Variants in KDM4C observed in about 807,000 individuals in gnomAD.
The protein encoded by KDM4C is lysine-specific demethylase 4C.
KDM4C carries 81 observed loss-of-function variants against 129.3 expected under a neutral mutation model. That is an observed-to-expected ratio of 0.63 (90% CI 0.52 to 0.75). The LOEUF (loss-of-function observed/expected upper bound fraction) is 0.75. Among genes scored for constraint, KDM4C ranks in the 30% least tolerant of loss-of-function variants. The pLI, the probability that KDM4C is intolerant of heterozygous loss-of-function variation, is 0.00. For missense variants in KDM4C, 1,457 were observed against 1,304.0 expected (o/e 1.12, Z -1.81); for synonymous variants, 573 against 456.1 (o/e 1.26, Z -3.26).
intron 15 of KDM4C, among the ~76,000 whole-genome samples, chr9:7,025,164 T>G (rs1484107644): frequency 6.6e-6 from 1 of 152,252 alleles, no homozygotes; most frequent in Non-Finnish European, 1.5e-5. Context: ...TTTTGACTGA[T>G]ACAAGTGTAG....
chr9:6,734,353 G>A (rs1480957090), intron 1 of KDM4C, among the ~76,000 whole-genome samples: 1 of 142,326 alleles, frequency 7.0e-6, no homozygotes, highest in Non-Finnish European at 1.5e-5. Flanking sequence ...GGAGTGCAAT[G>A]GCGTGGTCTC....
At chr9:6,746,645 C>G (rs1020103285) in intron 1 of KDM4C, among the ~76,000 whole-genome samples, 1 of 144,218 alleles carries the variant, frequency 6.9e-6, no homozygotes, top group Admixed American at 7.6e-5. Context: ...TTTGGGACAC[C>G]AAGGTGGGAG....
At chr9:6,869,808 C>T (rs1842588108) in intron 5 of KDM4C, among the ~76,000 whole-genome samples, 1 of 152,242 alleles carries the variant, frequency 6.6e-6, no homozygotes. Flanking sequence ...CCTGCAGCAT[C>T]CCCTATAGCC....
At position 6,743,860 on chromosome 9, in the gene KDM4C, G is replaced by T. The variant is rs1817785253; in HGVS notation, c.49+22863G>T. Among the ~76,000 whole-genome samples, 3 of 151,896 alleles carry T rather than the reference G, an allele frequency of 2.0e-5. No homozygotes were observed. The South Asian group carries it at 6.2e-4, about 32-fold the overall frequency. Reference sequence around the variant, plus strand: ...GCAGCTAGTCAAATTCACTTGACTTGTTGGGGTGGGGGACACCTGACAGCT... The same window carrying T: ...GCAGCTAGTCAAATTCACTTGACTTTTTGGGGTGGGGGACACCTGACAGCT... On this transcript the variant is annotated intron_variant, in intron 1 of 17. Coordinates refer to the KDM4C transcript ENST00000536108.
rs181066683 is a variant in KDM4C at position 7,034,499 on chromosome 9, G to C, written c.2260-12363G>C. ...GGCTTATTTCGCTTAATGTCCTCCAGTTCCTTCCATGTTGTTGCAAATGAC... is the reference window on the plus strand; with the variant it reads ...GGCTTATTTCGCTTAATGTCCTCCACTTCCTTCCATGTTGTTGCAAATGAC... On this transcript the variant is annotated intron_variant, in intron 15 of 21. Coordinates refer to ENST00000381309, the MANE Select transcript of KDM4C (RefSeq NM_015061.6). Among the ~76,000 whole-genome samples the C allele has an allele frequency of 1.1e-3, 166 of 152,272 alleles. 1 individual carries two copies. The highest frequency in any genetic ancestry group is 2.4e-3 in the Admixed American group (37 of 15,310).
intron 2 of KDM4C, among the ~76,000 whole-genome samples, chr9:6,797,284 G>A (rs1010343581): frequency 1.3e-5 from 2 of 152,128 alleles, no homozygotes; most frequent in South Asian, 4.1e-4. Flanking sequence ...ACTGTGCCTG[G>A]CCCGTTAATC....
rs372784425 is a variant in KDM4C at position 7,108,386 on chromosome 9, G to A, written c.2610+4516G>A. On this transcript the variant is annotated intron_variant, in intron 18 of 21. Transcript: ENST00000381309. ...CAAGTAGCTGGGACTACAGGTGTGC[G>A]CCCCCATGTCCTGCTAATTTTTGTA... Among the ~76,000 whole-genome samples the A allele has an allele frequency of 1.1e-4, 16 of 152,136 alleles. No homozygotes were observed. The East Asian group carries it at 1.7e-3, about 17-fold the overall frequency.
chr9:6,848,518 C>T (rs1378195362), intron 4 of KDM4C, among the ~76,000 whole-genome samples: 1 of 151,960 alleles, frequency 6.6e-6, no homozygotes. Flanking sequence ...AAATACGAAA[C>T]ATTAGGTGGG....
upstream of KDM4C, among the ~76,000 whole-genome samples, chr9:6,753,289 C>T (rs1245177224): frequency 6.6e-6 from 1 of 152,178 alleles, no homozygotes; most frequent in Non-Finnish European, 1.5e-5. Flanking sequence ...CAACTCAGGC[C>T]TAAGAGTAAG....
upstream of KDM4C, among the ~76,000 whole-genome samples, chr9:6,753,840 A>T (rs894109177): frequency 2.0e-5 from 3 of 152,090 alleles, no homozygotes; most frequent in African/African-American, 7.2e-5. Flanking sequence ...AGGTAAATAA[A>T]AACACTAAGT....
chr9:6,995,461 G>A (rs1417419700), intron 12 of KDM4C, among the ~76,000 whole-genome samples: 1 of 152,156 alleles, frequency 6.6e-6, no homozygotes, highest in East Asian at 1.9e-4. Context: ...TTGTTCAAGG[G>A]AAGCATGGTC....
intron 8 of KDM4C, among the ~76,000 whole-genome samples, chr9:6,920,914 A>G (rs1589115501): frequency 1.3e-5 from 2 of 152,172 alleles, no homozygotes; most frequent in African/African-American, 4.8e-5. Context: ...GTTTTGAGGT[A>G]TCAGTTTTCT....
intron 18 of KDM4C, among the ~76,000 whole-genome samples, chr9:7,117,300 G>T (rs550195268): frequency 2.8e-4 from 42 of 151,896 alleles, no homozygotes; most frequent in African/African-American, 9.9e-4. Context: ...TTTTGCTTTG[G>T]GTTACCTTGT....
intron 8 of KDM4C, among the ~76,000 whole-genome samples, chr9:6,926,255 G>A (rs980866092): frequency 2.7e-5 from 4 of 146,928 alleles, no homozygotes; most frequent in Non-Finnish European, 6.0e-5. Context: ...TGTGAAGGAG[G>A]AAAAATAATG....
At chr9:7,054,373 T>C (rs1338278771) in intron 17 of KDM4C, among the ~76,000 whole-genome samples, 8 of 152,200 alleles carry the variant, frequency 5.3e-5, no homozygotes, top group African/African-American at 1.7e-4. Flanking sequence ...TAGTCATAAG[T>C]GAATCTCTGG....
At chr9:7,100,863 T>C (rs1219280320) in intron 17 of KDM4C, among the ~76,000 whole-genome samples, 1 of 152,176 alleles carries the variant, frequency 6.6e-6, no homozygotes, top group African/African-American at 2.4e-5. Flanking sequence ...TTTGGTATCC[T>C]TTGCCTAAAG....
intron 8 of KDM4C, among the ~76,000 whole-genome samples, chr9:6,950,562 C>T (rs1238017848): frequency 6.6e-6 from 1 of 152,086 alleles, no homozygotes; most frequent in African/African-American, 2.4e-5. Flanking sequence ...GCCTCATTGT[C>T]CCTTAGCAAT....
intron 11 of KDM4C, among the ~76,000 whole-genome samples, chr9:6,989,658 G>C (rs1034842925): frequency 2.0e-5 from 3 of 151,246 alleles, no homozygotes; most frequent in Non-Finnish European, 4.4e-5. Flanking sequence ...AAGTGTTGCA[G>C]TATTGTCTTC....
chr9:6,866,012 C>T (rs1216477014), intron 5 of KDM4C, among the ~76,000 whole-genome samples: 3 of 152,106 alleles, frequency 2.0e-5, no homozygotes, highest in Admixed American at 2.0e-4. Context: ...CTCGGCCTCC[C>T]AGAGTGCTGG....
Sources: gnomAD v4.1 joint callset for allele counts (sites outside exome capture counted in the v4.1 genomes callset) on GRCh38, gnomAD v4.1.1 for gene constraint, MANE v1.5 for transcripts, NCBI Gene and HGNC (gene_info 2026-07-23, HGNC 2026-07-21) for gene names.